Variants in AFDN observed in about 807,000 individuals in gnomAD.
AFDN encodes afadin, adherens junction formation factor, also known as afadin.
A neutral mutation model predicts 216.6 loss-of-function variants in AFDN; 68 were observed. The ratio of observed to expected loss-of-function variants is 0.31; its 90% CI spans 0.26 to 0.38. AFDN has a LOEUF of 0.38. Ranked by LOEUF, AFDN falls within the 10% of genes least tolerant of loss-of-function variation. The pLI, the probability that AFDN is intolerant of heterozygous loss-of-function variation, is 1.00. For synonymous variants in AFDN, 868 were observed against 853.7 expected, an observed-to-expected ratio of 1.02 and a Z score of -0.29; for missense variants, 2,136 against 2,342.0, an observed-to-expected ratio of 0.91 and a Z score of 1.82.
intron 5 of AFDN, among the ~76,000 whole-genome samples, chr6:167,877,792 A>G (rs2128284413): frequency 6.6e-6 from 1 of 152,298 alleles, no homozygotes; most frequent in Non-Finnish European, 1.5e-5. Context: ...TGAGAGTGAC[A>G]GCTGTGTCTG....
chr6:167,917,294 T>C, intron 20 of AFDN, 62 bp downstream of exon 20: 3 of 1,383,694 alleles, frequency 2.2e-6, no homozygotes, highest in South Asian at 3.8e-5. Context: ...GACATTTGGA[T>C]GAAAAAACAA....
At chr6:167,845,883 C>A (rs1781616501) in intron 1 of AFDN, among the ~76,000 whole-genome samples, 1 of 151,990 alleles carries the variant, frequency 6.6e-6, no homozygotes, top group South Asian at 2.1e-4. Flanking sequence ...CTGGGGAGAC[C>A]TCAGGAAACT....
At chr6:167,826,664 C>T, upstream of AFDN, 1 of 477,038 alleles carries the variant, frequency 2.1e-6, no homozygotes, top group Non-Finnish European at 4.2e-6. Flanking sequence ...CCTAGCACCG[C>T]TGGTCGGGAA....
chr6:167,883,254 T>C (rs1786370840), intron 6 of AFDN, among the ~76,000 whole-genome samples: 1 of 152,112 alleles, frequency 6.6e-6, no homozygotes. Context: ...TGTCCAAGAC[T>C]GAAGGTAAAT....
intron 23 of AFDN, among the ~76,000 whole-genome samples, chr6:167,926,993 T>G (rs1460631615): frequency 6.6e-6 from 1 of 152,216 alleles, no homozygotes; most frequent in Non-Finnish European, 1.5e-5. Flanking sequence ...TCCTGGAAGT[T>G]AGTTTATTTA....
At chr6:167,881,147 CA>C (rs1370395550) in intron 6 of AFDN, among the ~76,000 whole-genome samples, 1 of 152,246 alleles carries the variant, frequency 6.6e-6, no homozygotes, top group South Asian at 2.1e-4. Flanking sequence ...AGCAGTGTTT[CA>C]TAGTATTCAG....
chr6:167,894,537 C>T (rs754188566), intron 9 of AFDN, among the ~76,000 whole-genome samples: 94 of 152,230 alleles, frequency 6.2e-4, no homozygotes, highest in Non-Finnish European at 1.0e-3. Flanking sequence ...TGCACTCTCC[C>T]TTTCCTCCCC....
chr6:167,924,662 G>T (rs1455882012), intron 22 of AFDN, among the ~76,000 whole-genome samples: 1 of 152,110 alleles, frequency 6.6e-6, no homozygotes. Flanking sequence ...ATTTTGAAAG[G>T]TAATAAAGTG....
intron 19 of AFDN, among the ~76,000 whole-genome samples, chr6:167,915,878 T>C (rs1326619290): frequency 6.6e-6 from 1 of 152,234 alleles, no homozygotes; most frequent in Non-Finnish European, 1.5e-5. Context: ...ACAAATTTCA[T>C]ATTTAGACTT....
chr6:167,902,900 T>C (rs1789169348), intron 12 of AFDN, among the ~76,000 whole-genome samples: 1 of 152,212 alleles, frequency 6.6e-6, no homozygotes, highest in Non-Finnish European at 1.5e-5. Flanking sequence ...TGCTGTGTTG[T>C]TTGTTAGTGA....
At chr6:167,876,541 G>A (rs937501127) in intron 5 of AFDN, among the ~76,000 whole-genome samples, 1 of 152,154 alleles carries the variant, frequency 6.6e-6, no homozygotes, top group African/African-American at 2.4e-5. Context: ...TGCTAACCAC[G>A]TACCAGACCT....
At chr6:167,875,809 G>A (rs1326659711) in intron 5 of AFDN, among the ~76,000 whole-genome samples, 3 of 151,884 alleles carry the variant, frequency 2.0e-5, no homozygotes, top group Admixed American at 1.3e-4. Flanking sequence ...GGTTTCTTCT[G>A]TTCTCCAAAA....
intron 10 of AFDN, among the ~76,000 whole-genome samples, chr6:167,897,517 C>T (rs1788409494): frequency 6.6e-6 from 1 of 152,012 alleles, no homozygotes; most frequent in South Asian, 2.1e-4. Flanking sequence ...ATATCATTTT[C>T]AATTCTACCA....
At chr6:167,905,389 T>G (rs766367916) in intron 12 of AFDN, among the ~76,000 whole-genome samples, 11 of 152,204 alleles carry the variant, frequency 7.2e-5, no homozygotes, top group Non-Finnish European at 1.5e-4. Flanking sequence ...AAAACTGTCT[T>G]TATAAAAATT....
At chr6:167,965,732 C>T in intron 31 of AFDN, 25 bp from the exon 32 acceptor site, 2 of 1,504,488 alleles carry the variant, frequency 1.3e-6, no homozygotes, top group Non-Finnish European at 1.8e-6. Context: ...CTGACCTTTG[C>T]ACTCTTGTCT....
At chr6:167,898,835 A>T (rs1321977709) in intron 11 of AFDN, among the ~76,000 whole-genome samples, 2 of 152,228 alleles carry the variant, frequency 1.3e-5, no homozygotes, top group African/African-American at 4.8e-5. Flanking sequence ...CTGATAATGA[A>T]ACACATTAAG....
In AFDN at chr6:167,862,084, A is replaced by T. The variant is rs184607415; in HGVS notation, c.106-2467A>T. ...CTGGAATAAAAATACAGCTCCCATG[A>T]TAAAATCTTAAATTTATACAGCTAA... On this transcript the variant is annotated intron_variant, in intron 1 of 33. Transcript: ENST00000683244. Among the ~76,000 whole-genome samples, 96 of 152,320 alleles carry T rather than the reference A, an allele frequency of 6.3e-4. 3 individuals are homozygous for T. In the East Asian group the frequency reaches 0.014, roughly 22 times the overall value.
intron 12 of AFDN, among the ~76,000 whole-genome samples, chr6:167,903,055 T>A (rs1411989828): frequency 1.3e-5 from 2 of 152,240 alleles, no homozygotes; most frequent in African/African-American, 4.8e-5. Flanking sequence ...CCCTTCAGTT[T>A]AGGTACTAAA....
rs1797171623 is a variant in AFDN, at chr6:167,962,808, C to T, written c.4968+241C>T. On this transcript the variant is annotated intron_variant, in intron 31 of 33. Transcript: ENST00000683244. This position sits in a 1 kb window ranked among gnomAD's most constrained non-coding sequence, Gnocchi z 5.2. The stretch of plus-strand genomic sequence containing the variant: ...GTTTTGTCTCCTTCAAACTTCTGAA[C>T]TCTTGGGCGTGTGTAGCAGTGAGCC... 1.5e-6 allele frequency: 2 copies of T among 1,358,650 alleles called. No individual in the cohort carries two copies. Among genetic ancestry groups the T allele is most frequent in the Non-Finnish European group, 1.9e-6 (2 of 1,054,280 alleles). The allele number at this position is 1,358,650 out of a possible 1,614,324, so 84.2% of individuals were successfully genotyped here.
Sources: gnomAD v4.1 joint callset for allele counts (sites outside exome capture counted in the v4.1 genomes callset) on GRCh38, gnomAD v4.1.1 for gene constraint, Gnocchi (gnomAD v3.1) non-coding constraint, MANE v1.5 for transcripts, NCBI Gene and HGNC (gene_info 2026-07-23, HGNC 2026-07-21) for gene names.